Variants in INPP4B observed in about 807,000 individuals in gnomAD.
INPP4B encodes inositol polyphosphate 4-phosphatase type II.
In INPP4B, 55 loss-of-function variants were observed where a neutral mutation model predicts 122.5. That is an observed-to-expected ratio of 0.45 (90% CI 0.36 to 0.56). The LOEUF is 0.56. Ranked by LOEUF, INPP4B falls within the 20% of genes least tolerant of loss-of-function variation. The pLI is 0.00. For missense variants in INPP4B, 1,000 were observed against 1,097.7 expected (o/e 0.91, Z 1.26); for synonymous variants, 403 against 388.7 (o/e 1.04, Z -0.43).
At chr4:142,476,609 G>A (rs1053065119) in intron 2 of INPP4B, among the ~76,000 whole-genome samples, 2 of 152,122 alleles carry the variant, frequency 1.3e-5, no homozygotes, top group Non-Finnish European at 2.9e-5. Flanking sequence ...CAAAGAAAAG[G>A]GATGGAGAAA....
intron 25 of INPP4B, chr4:142,029,538 A>G (rs557503980): frequency 2.6e-4 from 260 of 985,696 alleles, no homozygotes; most frequent in Middle Eastern, 5.2e-4. Context: ...AAGAATAGAA[A>G]AGTCCTCTGA....
chr4:142,127,375 T>C (rs1799092819), intron 18 of INPP4B, among the ~76,000 whole-genome samples: 1 of 152,156 alleles, frequency 6.6e-6, no homozygotes, highest in Non-Finnish European at 1.5e-5. Flanking sequence ...CTTTGCAGAT[T>C]GTCTCATTAG....
chr4:142,386,885 C>T (rs1320089316), intron 7 of INPP4B, among the ~76,000 whole-genome samples: 2 of 152,152 alleles, frequency 1.3e-5, no homozygotes, highest in East Asian at 3.9e-4. Flanking sequence ...CCCCCAGGAG[C>T]ACTGAGTGAA....
intron 3 of INPP4B, among the ~76,000 whole-genome samples, chr4:142,435,679 G>GGGGAGGGGAGCCCCC (rs1314014598): frequency 1.3e-5 from 2 of 152,228 alleles, no homozygotes; most frequent in Non-Finnish European, 2.9e-5. Flanking sequence ...AGAGCCATAC[G>GGGGAGGGGAGCCCCC]GGGAGGGGAG....
At chr4:142,317,175 C>T (rs575370247) in intron 7 of INPP4B, 40 of 171,514 alleles carry the variant, frequency 2.3e-4, no homozygotes, top group Non-Finnish European at 4.0e-4. Flanking sequence ...ATGTAACAAG[C>T]ATCTGTCATA....
At chr4:142,414,438 A>T (rs1256617777) in intron 5 of INPP4B, among the ~76,000 whole-genome samples, 3 of 152,114 alleles carry the variant, frequency 2.0e-5, no homozygotes, top group Non-Finnish European at 4.4e-5. Flanking sequence ...AAACAACACA[A>T]CCTCTGCCTG....
At chr4:142,731,060 A>T (rs1052202350) in intron 1 of INPP4B, among the ~76,000 whole-genome samples, 1 of 152,014 alleles carries the variant, frequency 6.6e-6, no homozygotes, top group African/African-American at 2.4e-5. Context: ...GGTTTGCTGC[A>T]CCTATCAACC....
intron 7 of INPP4B, chr4:142,384,113 C>T: frequency 1.4e-6 from 1 of 702,096 alleles, no homozygotes; most frequent in Non-Finnish European, 2.6e-6. Flanking sequence ...GATGAGTTAG[C>T]TATCTTGGGA....
At chr4:142,821,137 G>T (rs775225690) in intron 1 of INPP4B, among the ~76,000 whole-genome samples, 14 of 152,026 alleles carry the variant, frequency 9.2e-5, no homozygotes, top group Non-Finnish European at 1.8e-4. Context: ...GAATTATAAT[G>T]CCTCTTGAGA....
intron 11 of INPP4B, among the ~76,000 whole-genome samples, chr4:142,256,179 A>G (rs1456139748): frequency 2.0e-5 from 3 of 151,120 alleles, no homozygotes; most frequent in Non-Finnish European, 4.4e-5. Flanking sequence ...ACAACATACC[A>G]GAATCTCTGG....
At position 142,357,384 on chromosome 4, in the gene INPP4B, G is replaced by A. The variant is rs1213855144; in HGVS notation, c.373-42622C>T. On this transcript the variant is annotated intron_variant, in intron 7 of 25. Transcript: ENST00000262992. ...GCTGAACACACAGTTGATGTCCACA[G>A]GGATTGGGAGAATTGTTTGATGTGG... Among the ~76,000 whole-genome samples the A allele has an allele frequency of 2.6e-5, 4 of 152,036 alleles. No homozygotes were observed. The East Asian group carries it at 7.8e-4, about 30-fold the overall frequency.
At chr4:142,736,947 G>A (rs942208417) in intron 1 of INPP4B, among the ~76,000 whole-genome samples, 1 of 151,844 alleles carries the variant, frequency 6.6e-6, no homozygotes, top group Non-Finnish European at 1.5e-5. Context: ...GTCATAGATA[G>A]CTCGAAATAA....
At chr4:142,312,435 G>T (rs3775701) in intron 8 of INPP4B, among the ~76,000 whole-genome samples, 46,398 of 152,032 alleles carry the variant, frequency 0.31, 8,336 homozygotes, top group African/African-American at 0.51. Flanking sequence ...AAATCACTTA[G>T]AAAGCCTAGA....
intron 2 of INPP4B, among the ~76,000 whole-genome samples, chr4:142,484,943 A>G (rs1393651567): frequency 6.6e-6 from 1 of 152,152 alleles, no homozygotes; most frequent in East Asian, 1.9e-4. Flanking sequence ...TTTTTAAAAT[A>G]TCTGTATAAG....
chr4:142,251,408 A>G (rs1040971879), intron 11 of INPP4B, among the ~76,000 whole-genome samples: 2 of 152,206 alleles, frequency 1.3e-5, no homozygotes, highest in Admixed American at 1.3e-4. Flanking sequence ...AAAGTAAATA[A>G]CTAAAGGTTT....
chr4:142,762,371 A>G lies in INPP4B; in HGVS notation c.-253-36470T>C, dbSNP rs562577985. ...AGATTTTCCTAAGTTCAGAAGAAAA[A>G]CTTTGGGAAGACAGATCATCTTAGG... On this transcript the variant is annotated intron_variant, in intron 1 of 25. Coordinates refer to ENST00000262992, the MANE Select transcript of INPP4B (RefSeq NM_001101669.3). Among the ~76,000 whole-genome samples, 3 of 152,228 alleles carry G rather than the reference A, an allele frequency of 2.0e-5. No individual in the cohort carries two copies. In the South Asian group the frequency reaches 6.2e-4, roughly 32 times the overall value.
chr4:142,127,581 T>C (rs900525634), intron 18 of INPP4B, among the ~76,000 whole-genome samples: 1 of 152,160 alleles, frequency 6.6e-6, no homozygotes, highest in Admixed American at 6.6e-5. Context: ...TACATACTTC[T>C]GATACTAACA....
In INPP4B at chr4:142,140,333, G is replaced by A. The variant is rs1807103606; in HGVS notation, c.1720+5507C>T. On this transcript the variant is annotated intron_variant, in intron 18 of 25. Coordinates refer to ENST00000262992, the MANE Select transcript of INPP4B (RefSeq NM_001101669.3). ...GGCATAGGATATTTGGCCTTTTACA[G>A]GGCATTTCATGACATACTTGTGAAA... 3.3e-5 allele frequency among the ~76,000 whole-genome samples: 5 copies of A among 152,286 alleles called. No homozygotes were observed. In the South Asian group the frequency reaches 1.0e-3, roughly 32 times the overall value.
chr4:142,345,274 T>C (rs1779946639), intron 7 of INPP4B, among the ~76,000 whole-genome samples: 1 of 152,002 alleles, frequency 6.6e-6, no homozygotes, highest in Admixed American at 6.6e-5. Flanking sequence ...AATTCTATGA[T>C]GAGACACATA....
Sources: gnomAD v4.1 joint callset for allele counts (sites outside exome capture counted in the v4.1 genomes callset) on GRCh38, gnomAD v4.1.1 for gene constraint, MANE v1.5 for transcripts, NCBI Gene and HGNC (gene_info 2026-07-23, HGNC 2026-07-21) for gene names.